Variants in SHTN1 observed in about 807,000 individuals in gnomAD.
SHTN1 encodes shootin-1.
Under a neutral mutation model 83.1 loss-of-function variants are expected in SHTN1, and 42 were observed. That is an observed-to-expected ratio of 0.51 (90% confidence interval 0.39 to 0.65). SHTN1 has a LOEUF of 0.65. Ranked by LOEUF, SHTN1 falls within the 30% of genes least tolerant of loss-of-function variation. SHTN1 has a pLI of 0.00. For synonymous variants in SHTN1, 224 were observed against 247.7 expected, an observed-to-expected ratio of 0.90 and a Z score of 0.90; for missense variants, 622 against 737.8, an observed-to-expected ratio of 0.84 and a Z score of 1.82.
chr10:116,943,173 A>G (rs1849448891), intron 8 of SHTN1, among the ~76,000 whole-genome samples: 1 of 152,180 alleles, frequency 6.6e-6, no homozygotes, highest in Non-Finnish European at 1.5e-5. Flanking sequence ...ATTCTGGGTT[A>G]ACATGTCAGC....
chr10:117,012,010 G>A (rs1370065489), intron 2 of SHTN1, among the ~76,000 whole-genome samples: 1 of 151,766 alleles, frequency 6.6e-6, no homozygotes, highest in African/African-American at 2.4e-5. Context: ...CGTGGTGGCG[G>A]GGCCTGTAGT....
chr10:117,014,661 A>G (rs1852155182), intron 2 of SHTN1, among the ~76,000 whole-genome samples: 1 of 152,210 alleles, frequency 6.6e-6, no homozygotes, highest in Non-Finnish European at 1.5e-5. Context: ...TTCTGCTACA[A>G]CACAACTTAT....
At chr10:117,118,353 T>A (rs947331660) in intron 1 of SHTN1, among the ~76,000 whole-genome samples, 2 of 95,290 alleles carry the variant, frequency 2.1e-5, no homozygotes, top group African/African-American at 8.8e-5. Flanking sequence ...CAATGAAATA[T>A]AATCCATTTC....
At chr10:116,945,119 T>C (rs1271403192) in intron 7 of SHTN1, 101 bp from the exon 8 acceptor site, 18 of 751,394 alleles carry the variant, frequency 2.4e-5, no homozygotes, top group Non-Finnish European at 2.7e-5. Context: ...CATACCAGCA[T>C]ACAGGTACCC....
chr10:117,011,020 G>C (rs1589894558), intron 2 of SHTN1, among the ~76,000 whole-genome samples: 1 of 152,290 alleles, frequency 6.6e-6, no homozygotes, highest in East Asian at 1.9e-4. Context: ...AACGAGACAA[G>C]AATATGTGCT....
intron 1 of SHTN1, among the ~76,000 whole-genome samples, chr10:116,983,577 C>T (rs951492853): frequency 7.2e-5 from 11 of 151,894 alleles, no homozygotes; most frequent in African/African-American, 1.7e-4. Context: ...ATAGATGCCT[C>T]GCCCCTCCTG....
At chr10:117,010,599 T>C (rs1852089422) in intron 2 of SHTN1, among the ~76,000 whole-genome samples, 1 of 152,168 alleles carries the variant, frequency 6.6e-6, no homozygotes, top group Non-Finnish European at 1.5e-5. Context: ...ATTTCTGTGA[T>C]ACCAAAGCCA....
intron 1 of SHTN1, among the ~76,000 whole-genome samples, chr10:116,993,548 GA>G (rs1350966877): frequency 4.0e-5 from 6 of 150,500 alleles, no homozygotes; most frequent in Admixed American, 1.3e-4. Context: ...TGAGTTACAA[GA>G]AAAAAAAATA....
intron 1 of SHTN1, among the ~76,000 whole-genome samples, chr10:117,078,631 G>A (rs1486754834): frequency 6.6e-6 from 1 of 152,184 alleles, no homozygotes; most frequent in African/African-American, 2.4e-5. Context: ...GGAGTTAATA[G>A]AATTGTTTGC....
At chr10:116,993,733 G>A (rs1851527259) in intron 1 of SHTN1, among the ~76,000 whole-genome samples, 1 of 152,100 alleles carries the variant, frequency 6.6e-6, no homozygotes, top group Non-Finnish European at 1.5e-5. Flanking sequence ...AGCAGGATAA[G>A]AGTTTATACA....
At chr10:116,921,789 T>A (rs532878690) in intron 11 of SHTN1, among the ~76,000 whole-genome samples, 2 of 152,114 alleles carry the variant, frequency 1.3e-5, no homozygotes, top group African/African-American at 4.8e-5. Flanking sequence ...AGACAAAAAA[T>A]TTCAATACTC....
chr10:116,920,880 A>G (rs1848538103), intron 12 of SHTN1, among the ~76,000 whole-genome samples: 1 of 152,044 alleles, frequency 6.6e-6, no homozygotes, highest in Non-Finnish European at 1.5e-5. Context: ...CAACCCACCC[A>G]ATGTTCTAAA....
upstream of SHTN1, chr10:117,005,298 G>C (rs923021508): frequency 2.8e-6 from 4 of 1,421,530 alleles, no homozygotes; most frequent in Non-Finnish European, 3.7e-6. Context: ...GGCGGGGCGG[G>C]GCGGGCCCAG....
intron 1 of SHTN1, among the ~76,000 whole-genome samples, chr10:117,103,020 A>C (rs1319951772): frequency 6.6e-6 from 1 of 152,204 alleles, no homozygotes; most frequent in Non-Finnish European, 1.5e-5. Flanking sequence ...TGGCAGAATG[A>C]TTATAAAAAC....
chr10:116,993,801 CTT>C (rs948788320), intron 1 of SHTN1, among the ~76,000 whole-genome samples: 3 of 152,046 alleles, frequency 2.0e-5, no homozygotes, highest in African/African-American at 7.2e-5. Flanking sequence ...TTCGCAATCT[CTT>C]TGGTTACCAT....
intron 1 of SHTN1, among the ~76,000 whole-genome samples, chr10:117,092,216 T>C (rs1853440855): frequency 6.6e-6 from 1 of 152,230 alleles, no homozygotes; most frequent in African/African-American, 2.4e-5. Context: ...TGAACTGATT[T>C]GAAGCCATGG....
intron 1 of SHTN1, among the ~76,000 whole-genome samples, chr10:117,073,657 A>G (rs1018344988): frequency 1.3e-5 from 2 of 152,102 alleles, no homozygotes; most frequent in African/African-American, 2.4e-5. Flanking sequence ...TCCTCACTGG[A>G]TTTGCTTTAA....
chr10:116,925,980 T>A (rs578034615), intron 11 of SHTN1, among the ~76,000 whole-genome samples: 1 of 152,060 alleles, frequency 6.6e-6, no homozygotes, highest in African/African-American at 2.4e-5. Context: ...TATACCTCTT[T>A]GACAAGAAAG....
intron 1 of SHTN1, among the ~76,000 whole-genome samples, chr10:117,087,611 A>G (rs576379648): frequency 6.6e-6 from 1 of 152,358 alleles, no homozygotes; most frequent in East Asian, 1.9e-4. Context: ...TTAATGGAAA[A>G]TAAAACTTTA....
Sources: allele counts gnomAD v4.1 joint callset (sites outside exome capture counted in the v4.1 genomes callset), GRCh38; gene constraint gnomAD v4.1.1; transcripts MANE v1.5; gene names NCBI Gene and HGNC (gene_info 2026-07-23, HGNC 2026-07-21).